ARSG: variants seen among roughly 807,000 people sequenced by gnomAD.
ARSG encodes arylsulfatase G, also known as ASG.
Under a neutral mutation model 50.5 loss-of-function variants are expected in ARSG, and 37 were observed. That is an observed-to-expected ratio of 0.73 (90% confidence interval 0.56 to 0.96). The LOEUF (loss-of-function observed/expected upper bound fraction) is 0.96, where lower values mean the gene tolerates loss of function less well. Among genes scored for constraint, ARSG ranks in the 50% least tolerant of loss-of-function variants. The pLI is 0.00. For missense variants in ARSG, 629 were observed against 675.3 expected (o/e 0.93, Z 0.76); for synonymous variants, 225 against 254.6 (o/e 0.88, Z 1.11).
intron 1 of ARSG, among the ~76,000 whole-genome samples, 166 bp downstream of exon 1, chr17:68,291,734 G>T (rs1413985069): frequency 6.6e-6 from 1 of 151,650 alleles, no homozygotes; most frequent in Non-Finnish European, 1.5e-5. Flanking sequence ...CAGGGTGTTG[G>T]GGGTGCCTGC....
chr17:68,260,954 C>T (rs1555745084), intron 1 of ARSG, among the ~76,000 whole-genome samples: 1 of 152,120 alleles, frequency 6.6e-6, no homozygotes, highest in African/African-American at 2.4e-5. Flanking sequence ...TGATTTCATC[C>T]CACTGTTTTC....
At chr17:68,364,228 T>C (rs1041342628) in intron 6 of ARSG, among the ~76,000 whole-genome samples, 4 of 152,082 alleles carry the variant, frequency 2.6e-5, no homozygotes, top group African/African-American at 9.7e-5. Context: ...TTTTTTTCCT[T>C]CTCTACTCAC....
At chr17:68,317,870 C>T (rs112464779) in intron 2 of ARSG, among the ~76,000 whole-genome samples, 27 of 152,156 alleles carry the variant, frequency 1.8e-4, no homozygotes, top group African/African-American at 6.3e-4. Flanking sequence ...AGGCCAAGGC[C>T]GGTGGATCAC....
the ARSG span, chr17:68,450,950 A>T: frequency 1.3e-6 from 2 of 1,568,786 alleles, no homozygotes; most frequent in Non-Finnish European, 8.6e-7. Flanking sequence ...TCCAAGAAGG[A>T]TTCCAGCCTC....
At chr17:68,443,593 G>A in the ARSG span, among the ~76,000 whole-genome samples, 1 of 152,172 alleles carries the variant, frequency 6.6e-6, no homozygotes, top group Admixed American at 6.5e-5. Context: ...AGCCAACCCT[G>A]GGAGATGGGT....
intron 1 of ARSG, chr17:68,274,652 T>C (rs1555750321): frequency 6.6e-6 from 1 of 152,254 alleles, no homozygotes; most frequent in African/African-American, 2.4e-5. Context: ...AAATTAGATA[T>C]GTATTGAATT....
chr17:68,426,238 C>CGGGAGGGGGGGGGG, downstream of ARSG: 1 of 615,200 alleles, frequency 1.6e-6, no homozygotes, highest in Non-Finnish European at 2.3e-6. Flanking sequence ...CATGACCTGG[C>CGGGAGGGGGGGGGG]GGGTGGGGAG....
At chr17:68,380,530 A>G (rs2080383204) in intron 8 of ARSG, among the ~76,000 whole-genome samples, 2 of 152,082 alleles carry the variant, frequency 1.3e-5, no homozygotes, top group Admixed American at 1.3e-4. Context: ...TGGCCTCCCA[A>G]AGTGGTGGGA....
At chr17:68,441,037 C>T in the ARSG span, 2 of 152,204 alleles carry the variant, frequency 1.3e-5, no homozygotes, top group Admixed American at 6.5e-5. Flanking sequence ...GTTCAATGAT[C>T]TGCATTGCTG....
chr17:68,278,389 A>G, intron 1 of ARSG: 1 of 1,023,608 alleles, frequency 9.8e-7, no homozygotes, highest in Non-Finnish European at 1.5e-6. Flanking sequence ...TGATTCTCAT[A>G]CTCTTAAGCA....
chr17:68,269,336 C>T lies in ARSG; in HGVS notation c.-552+9910C>T, dbSNP rs1555747668. On this transcript the variant is annotated intron_variant, in intron 1 of 11. Coordinates refer to the ARSG transcript ENST00000448504. Reference sequence around the variant, plus strand: ...CCCTGCTGTAGATCTTACTTTGGTCCACCAACAAACCTGGAAGAGAGCATG... The same window carrying T: ...CCCTGCTGTAGATCTTACTTTGGTCTACCAACAAACCTGGAAGAGAGCATG... 16 of 1,213,534 alleles carry T rather than the reference C, an allele frequency of 1.3e-5. 1 individual carries two copies. Among genetic ancestry groups the T allele is most frequent in the Middle Eastern group, 4.8e-4 (2 of 4,190 alleles). 75.2% of individuals were successfully genotyped at this position (1,213,534 alleles called of 1,614,324 possible).
At chr17:68,336,896 G>A (rs1327410876) in intron 2 of ARSG, among the ~76,000 whole-genome samples, 1 of 151,986 alleles carries the variant, frequency 6.6e-6, no homozygotes, top group African/African-American at 2.4e-5. Context: ...GAAAAAGAAA[G>A]AAAAATATTT....
Position 68,313,033 on chromosome 17 carries a change from G to A in ARSG, c.218+5322G>A, listed in dbSNP as rs55744511. Among the ~76,000 whole-genome samples the A allele has an allele frequency of 4.2e-3, 636 of 152,198 alleles. 6 individuals carry two copies. Among genetic ancestry groups the A allele is most frequent in the African/African-American group, 0.014 (601 of 41,526 alleles). On this transcript the variant is annotated intron_variant, in intron 2 of 11. Transcript: ENST00000621439. ...TCCCAGCACTTTGGGAGGCCGAGGC[G>A]GGCAGATCACGAGGTCAGGAGATCA...
At chr17:68,333,849 T>C (rs982717377) in intron 2 of ARSG, among the ~76,000 whole-genome samples, 35 of 152,160 alleles carry the variant, frequency 2.3e-4, no homozygotes, top group African/African-American at 8.4e-4. Flanking sequence ...TAGCAGTTAC[T>C]AGCTACCAGC....
intron 1 of ARSG, chr17:68,267,439 C>T (rs2075192575): frequency 2.0e-5 from 3 of 152,134 alleles, no homozygotes. Flanking sequence ...TGTCCTATTT[C>T]TATGGCTGAT....
At chr17:68,435,467 C>T in the ARSG span, among the ~76,000 whole-genome samples, 1 of 152,340 alleles carries the variant, frequency 6.6e-6, no homozygotes, top group East Asian at 1.9e-4. Context: ...ACCACACATG[C>T]AGAGGCCAGA....
downstream of ARSG, chr17:68,421,556 C>T: frequency 1.7e-6 from 1 of 588,370 alleles, no homozygotes; most frequent in Non-Finnish European, 3.1e-6. Flanking sequence ...TTTTAAATAG[C>T]ATGATGTGTA....
the ARSG span, among the ~76,000 whole-genome samples, chr17:68,433,789 T>G: frequency 1.7e-5 from 1 of 58,010 alleles, no homozygotes; most frequent in African/African-American, 5.6e-5. Context: ...TTTTTTTTTT[T>G]TTTTTTTTTG....
At chr17:68,425,736 AC>A (rs375711858), downstream of ARSG, among the ~76,000 whole-genome samples, 44 of 152,216 alleles carry the variant, frequency 2.9e-4, 3 homozygotes, top group East Asian at 8.3e-3. Context: ...TAAGTTTTAG[AC>A]AAGTCACGTG....
Sources: gnomAD v4.1 joint callset for allele counts (sites outside exome capture counted in the v4.1 genomes callset) on GRCh38, gnomAD v4.1.1 for gene constraint, MANE v1.5 for transcripts, NCBI Gene and HGNC (gene_info 2026-07-23, HGNC 2026-07-21) for gene names.